GALNT1: variants seen among roughly 807,000 people sequenced by gnomAD.
GALNT1 encodes the protein polypeptide N-acetylgalactosaminyltransferase 1.
A neutral mutation model predicts 65.7 loss-of-function variants in GALNT1; 17 were observed. The ratio of observed to expected loss-of-function variants is 0.26; its 90% CI spans 0.18 to 0.39. GALNT1 has a LOEUF of 0.39. Ranked by LOEUF, GALNT1 falls within the 10% of genes least tolerant of loss-of-function variation. The probability of loss-of-function intolerance (pLI) is 1.00; values close to 1 mark genes in which losing one functional copy is unlikely to be tolerated. For missense variants in GALNT1, 460 were observed against 672.8 expected, an observed-to-expected ratio of 0.68 and a Z score of 3.50; for synonymous variants, 210 against 219.7, an observed-to-expected ratio of 0.96 and a Z score of 0.39.
chr18:35,689,824 CAT>C lies in GALNT1; in HGVS notation c.978+537_978+538del, dbSNP rs535151544. 1.1e-3 allele frequency among the ~76,000 whole-genome samples: 163 copies of C among 152,292 alleles called. 1 individual carries two copies. Among genetic ancestry groups the C allele is most frequent in the African/African-American group, 3.7e-3 (154 of 41,568 alleles). On this transcript the variant is annotated intron_variant, in intron 7 of 11. Coordinates refer to ENST00000269195, the MANE Select transcript of GALNT1 (RefSeq NM_020474.4). Reference sequence around the variant, plus strand: ...TGCATTTCATGTTCACTAGAATCAACATATCGTTTAAATGGCATTGCATATTT... The same window carrying C: ...TGCATTTCATGTTCACTAGAATCAACATCGTTTAAATGGCATTGCATATTT...
intron 3 of GALNT1, among the ~76,000 whole-genome samples, chr18:35,668,674 T>C (rs2047583959): frequency 6.6e-6 from 1 of 152,090 alleles, no homozygotes; most frequent in Non-Finnish European, 1.5e-5. Flanking sequence ...TTATGCAAGA[T>C]GAATAAGGAC....
chr18:35,621,736 G>C (rs2046855492), intron 1 of GALNT1, among the ~76,000 whole-genome samples: 1 of 152,132 alleles, frequency 6.6e-6, no homozygotes, highest in African/African-American at 2.4e-5. Flanking sequence ...CTATAGTTTA[G>C]AGTGTTAGAG....
At chr18:35,628,414 T>C (rs937966326) in intron 1 of GALNT1, among the ~76,000 whole-genome samples, 4 of 152,182 alleles carry the variant, frequency 2.6e-5, no homozygotes, top group Non-Finnish European at 5.9e-5. Flanking sequence ...TTGACCAGTA[T>C]TCGCTGTTCT....
chr18:35,641,351 G>A lies in GALNT1; in HGVS notation c.-103-13209G>A, dbSNP rs2047160947. 3.3e-5 allele frequency among the ~76,000 whole-genome samples: 5 copies of A among 152,150 alleles called. No individual in the cohort carries two copies. The South Asian group carries it at 1.0e-3, about 32-fold the overall frequency. On this transcript the variant is annotated intron_variant, in intron 1 of 11. Transcript: ENST00000269195. The stretch of plus-strand genomic sequence containing the variant: ...AGTCCTAGCTCGGAGGCTGAAGTGG[G>A]AAGGATTCATTGAGCCCAGGAGGTT...
intron 4 of GALNT1, among the ~76,000 whole-genome samples, chr18:35,682,114 C>G (rs1314806664): frequency 6.6e-6 from 1 of 152,114 alleles, no homozygotes; most frequent in African/African-American, 2.4e-5. Flanking sequence ...ATCCTTCTGA[C>G]CCTAAGACTT....
intron 1 of GALNT1, among the ~76,000 whole-genome samples, chr18:35,640,529 T>G (rs1411856912): frequency 6.6e-6 from 1 of 152,246 alleles, no homozygotes; most frequent in Non-Finnish European, 1.5e-5. Flanking sequence ...CAGTTATTTA[T>G]AGATTTATTT....
In GALNT1 at chr18:35,620,897, G is replaced by A. The variant is rs1250580533; in HGVS notation, c.-103-33663G>A. On this transcript the variant is annotated intron_variant, in intron 1 of 11. Transcript: ENST00000269195. ...TGAAATTAGTGAGTGATAGGGTAGT[G>A]CTTTCTTCAGCTTTATGAGATACTT... 5.3e-5 allele frequency among the ~76,000 whole-genome samples: 8 copies of A among 152,034 alleles called. No individual in the cohort carries two copies. The East Asian group carries it at 1.5e-3, about 29-fold the overall frequency.
chr18:35,652,801 T>C (rs1402015223), intron 1 of GALNT1, among the ~76,000 whole-genome samples: 2 of 152,216 alleles, frequency 1.3e-5, no homozygotes, highest in Admixed American at 6.5e-5. Context: ...TCTTAAAAGC[T>C]AATTGTGCAC....
At chr18:35,670,549 ATAT>A (rs1304825825) in intron 3 of GALNT1, among the ~76,000 whole-genome samples, 2 of 152,220 alleles carry the variant, frequency 1.3e-5, no homozygotes, top group Admixed American at 6.5e-5. Context: ...AGACTCCTTA[ATAT>A]TATAAAGATG....
At chr18:35,623,113 G>A (rs1042979071) in intron 1 of GALNT1, among the ~76,000 whole-genome samples, 4 of 152,106 alleles carry the variant, frequency 2.6e-5, no homozygotes, top group Non-Finnish European at 5.9e-5. Flanking sequence ...AAGAAATCAG[G>A]CTTTTATATT....
chr18:35,583,945 A>G (rs2046352169), intron 1 of GALNT1, among the ~76,000 whole-genome samples: 3 of 152,246 alleles, frequency 2.0e-5, no homozygotes, highest in African/African-American at 7.2e-5. Context: ...TTAGTGCTTC[A>G]TATAGTTTTT....
rs1387051062 is a variant in GALNT1 at position 35,668,538 on chromosome 18, A to G, written c.314+4736A>G. 3.9e-5 allele frequency among the ~76,000 whole-genome samples: 6 copies of G among 152,358 alleles called. No homozygotes were observed. The East Asian group carries it at 7.7e-4, about 20-fold the overall frequency. On this transcript the variant is annotated intron_variant, in intron 3 of 11. Transcript: ENST00000269195. ...ATCTTGCAGACGTTTGAAAGATTAT[A>G]TGTAGATTATATGAGGTTTTTTAAA...
At chr18:35,641,228 T>C (rs1598792474) in intron 1 of GALNT1, among the ~76,000 whole-genome samples, 1 of 152,196 alleles carries the variant, frequency 6.6e-6, no homozygotes, top group Non-Finnish European at 1.5e-5. Flanking sequence ...GAGGATTGCC[T>C]GAGCCCAGGA....
At chr18:35,658,468 G>A (rs2144417618) in intron 2 of GALNT1, among the ~76,000 whole-genome samples, 2 of 152,304 alleles carry the variant, frequency 1.3e-5, no homozygotes, top group South Asian at 4.1e-4. Context: ...CACAGTTGAT[G>A]CTAATAAGCA....
At chr18:35,680,976 A>G (rs1453480498) in intron 4 of GALNT1, among the ~76,000 whole-genome samples, 1 of 152,176 alleles carries the variant, frequency 6.6e-6, no homozygotes, top group African/African-American at 2.4e-5. Context: ...TGAGAAGACT[A>G]TTATTTTTTC....
rs561251339 is a variant in GALNT1 at position 35,688,736 on chromosome 18, C to T, written c.861-437C>T. Among the ~76,000 whole-genome samples, 14 of 152,302 alleles carry T rather than the reference C, an allele frequency of 9.2e-5. No homozygotes were observed. In the East Asian group the frequency reaches 1.4e-3, roughly 15 times the overall value. Reference sequence around the variant, plus strand: ...CACCCTTTAGAACATGGCATGGTAACTCTAACCTCAATCTACTTGGTTAAT... The same window carrying T: ...CACCCTTTAGAACATGGCATGGTAATTCTAACCTCAATCTACTTGGTTAAT... On this transcript the variant is annotated intron_variant, in intron 6 of 11. Transcript: ENST00000269195.
At chr18:35,586,929 G>A (rs780791462) in intron 1 of GALNT1, among the ~76,000 whole-genome samples, 12 of 152,096 alleles carry the variant, frequency 7.9e-5, no homozygotes, top group Non-Finnish European at 1.6e-4. Flanking sequence ...GAAGATCGAC[G>A]TCTTTAGTAT....
At chr18:35,632,161 G>C (rs2047022610) in intron 1 of GALNT1, among the ~76,000 whole-genome samples, 1 of 152,136 alleles carries the variant, frequency 6.6e-6, no homozygotes, top group Non-Finnish European at 1.5e-5. Flanking sequence ...TCCCCATCAA[G>C]CTACCAATGA....
At chr18:35,701,006 G>A (rs2048152957) in intron 9 of GALNT1, among the ~76,000 whole-genome samples, 1 of 151,936 alleles carries the variant, frequency 6.6e-6, no homozygotes, top group South Asian at 2.1e-4. Flanking sequence ...TATATCAAAA[G>A]TATAAGGAAA....
Sources: allele counts gnomAD v4.1 joint callset (sites outside exome capture counted in the v4.1 genomes callset), GRCh38; gene constraint gnomAD v4.1.1; transcripts MANE v1.5; gene names NCBI Gene and HGNC (gene_info 2026-07-23, HGNC 2026-07-21).